FARS2: variants seen among roughly 807,000 people sequenced by gnomAD.
FARS2 encodes the protein phenylalanine--tRNA ligase, mitochondrial.
In FARS2, 40 loss-of-function variants were observed where a neutral mutation model predicts 46.4. The ratio of observed to expected loss-of-function variants is 0.86; its 90% confidence interval spans 0.67 to 1.12. The LOEUF (loss-of-function observed/expected upper bound fraction) is 1.12, where lower values mean the gene tolerates loss of function less well. FARS2 is among the 50% of genes most tolerant of loss of function. The probability of loss-of-function intolerance (pLI) is 0.00; values close to 1 mark genes in which losing one functional copy is unlikely to be tolerated. For synonymous variants in FARS2, 234 were observed against 214.9 expected, an observed-to-expected ratio of 1.09 and a Z score of -0.78; for missense variants, 513 against 567.9, an observed-to-expected ratio of 0.90 and a Z score of 0.98.
chr6:5,697,246 T>C (rs1758163208), intron 6 of FARS2, among the ~76,000 whole-genome samples: 1 of 152,212 alleles, frequency 6.6e-6, no homozygotes, highest in Non-Finnish European at 1.5e-5. Flanking sequence ...ATGGCCGAAC[T>C]GATGATTGAT....
At chr6:5,566,495 C>T (rs1048949952) in intron 5 of FARS2, among the ~76,000 whole-genome samples, 10 of 152,104 alleles carry the variant, frequency 6.6e-5, no homozygotes, top group Admixed American at 1.3e-4. Context: ...GGATTTTCCC[C>T]AAAACAGGGT....
intron 2 of FARS2, among the ~76,000 whole-genome samples, chr6:5,372,895 T>G (rs975487842): frequency 6.6e-6 from 1 of 152,152 alleles, no homozygotes; most frequent in African/African-American, 2.4e-5. Flanking sequence ...GTGTTCAATT[T>G]ATGATGCTAA....
intron 2 of FARS2, among the ~76,000 whole-genome samples, chr6:5,375,866 A>G (rs1759344528): frequency 1.3e-5 from 2 of 152,138 alleles, no homozygotes; most frequent in Non-Finnish European, 2.9e-5. Context: ...AACTTTTGGA[A>G]GAAAATATAG....
At chr6:5,425,510 A>AAC (rs563269554) in intron 3 of FARS2, among the ~76,000 whole-genome samples, 2,849 of 151,230 alleles carry the variant, frequency 0.019, 28 homozygotes, top group Middle Eastern at 0.031. Flanking sequence ...GAAGAGACCA[A>AAC]ACACACACAC....
At position 5,313,017 on chromosome 6, in the gene FARS2, G is replaced by A. The variant is rs140695069; in HGVS notation, c.-22+51357G>A. ...AATACAAATTTGAGGACTCTGGGGTGGGAGAGGGAGAAGGAGAGGGAGAGA... is the reference window on the plus strand; with the variant it reads ...AATACAAATTTGAGGACTCTGGGGTAGGAGAGGGAGAAGGAGAGGGAGAGA... On this transcript the variant is annotated intron_variant, in intron 1 of 6. Coordinates refer to ENST00000274680, the MANE Select transcript of FARS2 (RefSeq NM_006567.5). Among the ~76,000 whole-genome samples the A allele has an allele frequency of 3.1e-3, 472 of 152,292 alleles. 2 individuals are homozygous for A. The highest frequency in any genetic ancestry group is 0.011 in the African/African-American group (452 of 41,542).
intron 6 of FARS2, among the ~76,000 whole-genome samples, chr6:5,616,864 A>G (rs1042024688): frequency 2.0e-5 from 3 of 152,096 alleles, no homozygotes; most frequent in African/African-American, 4.8e-5. Flanking sequence ...ACCCTTTCGC[A>G]CTGGAGATTT....
At chr6:5,611,757 T>C (rs1775198121) in intron 5 of FARS2, among the ~76,000 whole-genome samples, 1 of 152,212 alleles carries the variant, frequency 6.6e-6, no homozygotes, top group South Asian at 2.1e-4. Flanking sequence ...TGCGTTATTA[T>C]CATATTGACT....
At chr6:5,479,521 G>C (rs1178849442) in intron 4 of FARS2, among the ~76,000 whole-genome samples, 1 of 152,150 alleles carries the variant, frequency 6.6e-6, no homozygotes, top group South Asian at 2.1e-4. Context: ...CAGGATAAAA[G>C]CATTTCTAAT....
At chr6:5,629,829 T>C (rs1776218109) in intron 6 of FARS2, among the ~76,000 whole-genome samples, 1 of 151,732 alleles carries the variant, frequency 6.6e-6, no homozygotes, top group Non-Finnish European at 1.5e-5. Flanking sequence ...AGACAGGAGC[T>C]CAAATCTATG....
intron 6 of FARS2, among the ~76,000 whole-genome samples, chr6:5,639,392 A>G (rs1466689064): frequency 6.6e-6 from 1 of 152,254 alleles, no homozygotes; most frequent in Non-Finnish European, 1.5e-5. Flanking sequence ...TGAAATTTGC[A>G]TATGAAATGT....
chr6:5,648,013 T>C (rs1246322325), intron 6 of FARS2, among the ~76,000 whole-genome samples: 1 of 152,256 alleles, frequency 6.6e-6, no homozygotes, highest in Non-Finnish European at 1.5e-5. Context: ...ATTCAGGTTC[T>C]TGTGAGAATT....
chr6:5,641,823 A>G (rs2150740912), intron 6 of FARS2, among the ~76,000 whole-genome samples: 1 of 152,304 alleles, frequency 6.6e-6, no homozygotes, highest in Non-Finnish European at 1.5e-5. Context: ...CACCTCTAAG[A>G]TGCTTCTCAA....
chr6:5,677,553 A>G (rs1162090843), intron 6 of FARS2, among the ~76,000 whole-genome samples: 1 of 152,256 alleles, frequency 6.6e-6, no homozygotes, highest in Admixed American at 6.5e-5. Context: ...AGCCAGTGCC[A>G]CAGGTAAGTC....
At chr6:5,614,948 G>C (rs1363197890) in intron 6 of FARS2, among the ~76,000 whole-genome samples, 2 of 152,208 alleles carry the variant, frequency 1.3e-5, no homozygotes, top group Non-Finnish European at 2.9e-5. Context: ...GGAGGATCTT[G>C]TAAGTGCTGC....
intron 6 of FARS2, among the ~76,000 whole-genome samples, chr6:5,640,629 A>G (rs929863713): frequency 2.0e-5 from 3 of 152,214 alleles, no homozygotes; most frequent in African/African-American, 7.2e-5. Context: ...CTTTTGAGCT[A>G]ATTAATCATC....
chr6:5,737,066 T>C (rs913949151), intron 6 of FARS2, among the ~76,000 whole-genome samples: 8 of 152,168 alleles, frequency 5.3e-5, no homozygotes, highest in African/African-American at 1.9e-4. Context: ...GAAATCAGAC[T>C]TCACAGGTAC....
intron 6 of FARS2, among the ~76,000 whole-genome samples, chr6:5,625,525 G>A (rs927763606): frequency 1.3e-5 from 2 of 152,184 alleles, no homozygotes; most frequent in Non-Finnish European, 2.9e-5. Context: ...GACTGATGAT[G>A]TGCACAGATG....
chr6:5,713,028 T>C (rs1458875959), intron 6 of FARS2, among the ~76,000 whole-genome samples: 1 of 152,242 alleles, frequency 6.6e-6, no homozygotes, highest in Non-Finnish European at 1.5e-5. Flanking sequence ...CAATGTACAG[T>C]GTGTGCCCTA....
intron 6 of FARS2, among the ~76,000 whole-genome samples, chr6:5,690,750 G>T (rs1757643977): frequency 2.0e-5 from 3 of 152,180 alleles, no homozygotes; most frequent in Admixed American, 6.5e-5. Flanking sequence ...GGCCTCCCTT[G>T]CTAGATTGGA....
Sources: gnomAD v4.1 joint callset for allele counts (sites outside exome capture counted in the v4.1 genomes callset) on GRCh38, gnomAD v4.1.1 for gene constraint, MANE v1.5 for transcripts, NCBI Gene and HGNC (gene_info 2026-07-23, HGNC 2026-07-21) for gene names.